LCLAT1: variants seen among roughly 807,000 people sequenced by gnomAD.
LCLAT1 encodes 1-AGP acyltransferase 8.
Under a neutral mutation model 30.7 loss-of-function variants are expected in LCLAT1, and 11 were observed. The observed-to-expected ratio is 0.36, with a 90% CI of 0.23 to 0.59. The LOEUF (loss-of-function observed/expected upper bound fraction) is 0.59, where lower values mean the gene tolerates loss of function less well. Ranked by LOEUF, LCLAT1 falls within the 20% of genes least tolerant of loss-of-function variation. The probability of loss-of-function intolerance (pLI) is 0.77; values close to 1 mark genes in which losing one functional copy is unlikely to be tolerated. For synonymous variants in LCLAT1, 155 were observed against 151.3 expected, an observed-to-expected ratio of 1.02 and a Z score of -0.18; for missense variants, 402 against 458.6, an observed-to-expected ratio of 0.88 and a Z score of 1.13.
At chr2:30,519,134 C>G (rs1441944884) in intron 1 of LCLAT1, among the ~76,000 whole-genome samples, 13 of 152,236 alleles carry the variant, frequency 8.5e-5, no homozygotes, top group Non-Finnish European at 1.9e-4. Flanking sequence ...CCAGCTTATA[C>G]TGGCTTATGC....
intron 1 of LCLAT1, among the ~76,000 whole-genome samples, chr2:30,508,924 G>C (rs1193943700): frequency 6.6e-6 from 1 of 152,034 alleles, no homozygotes; most frequent in Non-Finnish European, 1.5e-5. Context: ...CCATTTGTTT[G>C]TGTCATCTCT....
At chr2:30,556,477 C>T (rs1309504167) in intron 3 of LCLAT1, among the ~76,000 whole-genome samples, 1 of 150,782 alleles carries the variant, frequency 6.6e-6, no homozygotes, top group African/African-American at 2.4e-5. Flanking sequence ...CAAAAAACCA[C>T]AAGGGAGTAT....
intron 3 of LCLAT1, among the ~76,000 whole-genome samples, chr2:30,542,558 A>T (rs1459542249): frequency 6.6e-6 from 1 of 152,126 alleles, no homozygotes; most frequent in Non-Finnish European, 1.5e-5. Flanking sequence ...CAGTTCTTTT[A>T]AATTTTTTTC....
intron 5 of LCLAT1, among the ~76,000 whole-genome samples, chr2:30,601,662 ATTAATAGATGCACTTTAAAACAATATGTT>A (rs995357262): frequency 5.6e-5 from 2 of 35,768 alleles, no homozygotes; most frequent in African/African-American, 5.9e-4. Context: ...AGATCCCAAG[ATTAATAGATGCACTTTAAAACAATATGTT>A]TTAATGAAAG....
At chr2:30,587,001 T>G (rs1666474372) in intron 5 of LCLAT1, among the ~76,000 whole-genome samples, 1 of 152,184 alleles carries the variant, frequency 6.6e-6, no homozygotes, top group Admixed American at 6.5e-5. Context: ...CCTAATAACT[T>G]CAAAACTTTT....
intron 1 of LCLAT1, among the ~76,000 whole-genome samples, chr2:30,457,224 G>T (rs1451992182): frequency 1.3e-5 from 2 of 152,120 alleles, no homozygotes; most frequent in African/African-American, 2.4e-5. Context: ...TTATGGAGGG[G>T]ATTAACTCCA....
chr2:30,589,042 T>C (rs1193845435), intron 5 of LCLAT1, among the ~76,000 whole-genome samples: 2 of 152,238 alleles, frequency 1.3e-5, no homozygotes, highest in African/African-American at 4.8e-5. Flanking sequence ...TGGACAAGAT[T>C]TTGGTAAAGA....
At chr2:30,540,104 C>G (rs999888463) in intron 3 of LCLAT1, among the ~76,000 whole-genome samples, 1 of 152,216 alleles carries the variant, frequency 6.6e-6, no homozygotes, top group Non-Finnish European at 1.5e-5. Context: ...CTCATCCTGG[C>G]TCTGTTGTCA....
chr2:30,477,203 A>G (rs1683087405), intron 1 of LCLAT1, among the ~76,000 whole-genome samples: 3 of 152,172 alleles, frequency 2.0e-5, no homozygotes, highest in South Asian at 4.1e-4. Flanking sequence ...TTTTAAGGCT[A>G]GGATAGCTGT....
intron 1 of LCLAT1, among the ~76,000 whole-genome samples, chr2:30,472,232 A>G (rs917754032): frequency 6.6e-6 from 1 of 152,184 alleles, no homozygotes; most frequent in African/African-American, 2.4e-5. Flanking sequence ...AAAAGGAGTT[A>G]AAAGGAGACA....
chr2:30,520,535 A>G (rs555772257), intron 1 of LCLAT1, among the ~76,000 whole-genome samples: 2 of 152,314 alleles, frequency 1.3e-5, no homozygotes, highest in East Asian at 3.9e-4. Context: ...GTGTAGCCTT[A>G]AGTAAGTTCC....
At chr2:30,624,460 AGT>A (rs905990337) in intron 5 of LCLAT1, among the ~76,000 whole-genome samples, 15 of 152,212 alleles carry the variant, frequency 9.9e-5, no homozygotes, top group African/African-American at 3.6e-4. Context: ...AGTGAGCAGG[AGT>A]AGCTATTCCT....
chr2:30,484,893 C>G (rs1445011683), intron 1 of LCLAT1, among the ~76,000 whole-genome samples: 2 of 152,048 alleles, frequency 1.3e-5, no homozygotes, highest in Non-Finnish European at 2.9e-5. Context: ...CTTTGCACAT[C>G]TTTTACTATG....
chr2:30,457,287 GA>G (rs1181747608), intron 1 of LCLAT1, among the ~76,000 whole-genome samples: 8 of 151,684 alleles, frequency 5.3e-5, no homozygotes, highest in Admixed American at 3.3e-4. Flanking sequence ...TTATCTAAAA[GA>G]AAAAAAAGTG....
At chr2:30,625,635 A>G (rs1319446958) in intron 5 of LCLAT1, among the ~76,000 whole-genome samples, 2 of 152,204 alleles carry the variant, frequency 1.3e-5, no homozygotes, top group Admixed American at 1.3e-4. Flanking sequence ...ATAACATTAG[A>G]CTTTATATTG....
At chr2:30,606,043 G>T (rs1425346114) in intron 5 of LCLAT1, 1 of 1,298,758 alleles carries the variant, frequency 7.7e-7, no homozygotes, top group Non-Finnish European at 1.0e-6. Context: ...GGAAGTAAAG[G>T]ACCACTTCAA....
At chr2:30,629,194 G>A (rs903049075) in intron 5 of LCLAT1, among the ~76,000 whole-genome samples, 1 of 152,144 alleles carries the variant, frequency 6.6e-6, no homozygotes, top group Non-Finnish European at 1.5e-5. Flanking sequence ...AAAGTCATAA[G>A]AAGATGACAA....
chr2:30,537,342 C>T (rs113809102), intron 3 of LCLAT1, among the ~76,000 whole-genome samples: 3 of 150,734 alleles, frequency 2.0e-5, no homozygotes, highest in Non-Finnish European at 2.9e-5. Context: ...GATTGCGCCA[C>T]TGCAGTCCGC....
At chr2:30,508,553 G>C (rs1684783367) in intron 1 of LCLAT1, among the ~76,000 whole-genome samples, 1 of 152,172 alleles carries the variant, frequency 6.6e-6, no homozygotes, top group Non-Finnish European at 1.5e-5. Context: ...TTGAAGATCA[G>C]ATAGTTGTAG....
Sources: allele counts gnomAD v4.1 joint callset (sites outside exome capture counted in the v4.1 genomes callset), GRCh38; gene constraint gnomAD v4.1.1; transcripts MANE v1.5; gene names NCBI Gene and HGNC (gene_info 2026-07-23, HGNC 2026-07-21).